NELFA: variants seen among roughly 807,000 people sequenced by gnomAD.
NELFA encodes negative elongation factor A.
A neutral mutation model predicts 51.8 loss-of-function variants in NELFA; 35 were observed. That is an observed-to-expected ratio of 0.68 (90% confidence interval 0.52 to 0.90). The LOEUF (loss-of-function observed/expected upper bound fraction) is 0.90. Among genes scored for constraint, NELFA ranks in the 40% least tolerant of loss-of-function variants. The pLI is 0.00. For synonymous variants in NELFA, 417 were observed against 338.4 expected, an observed-to-expected ratio of 1.23 and a Z score of -2.55; for missense variants, 658 against 746.4, an observed-to-expected ratio of 0.88 and a Z score of 1.38.
intron 4 of NELFA, among the ~76,000 whole-genome samples, chr4:1,987,016 C>T (rs1181731166): frequency 3.3e-5 from 5 of 152,144 alleles, no homozygotes; most frequent in African/African-American, 9.7e-5. Flanking sequence ...CAAGGGTCTG[C>T]TCCAGGCGGG....
chr4:1,993,389 G>A (rs1471768523), intron 1 of NELFA, among the ~76,000 whole-genome samples: 1 of 152,098 alleles, frequency 6.6e-6, no homozygotes, highest in Admixed American at 6.6e-5. Context: ...GGACCAGACT[G>A]ACCCACATGG....
chr4:1,992,256 C>T (rs1728293887), intron 1 of NELFA: 1 of 238,482 alleles, frequency 4.2e-6, no homozygotes, highest in South Asian at 3.9e-5. Flanking sequence ...TAGGCAGGGA[C>T]GGCTGCCTCT....
rs1194916883 is a variant in NELFA, at chr4:1,986,136, C to T, written c.813G>A (p.Ala271=). The T allele has an allele frequency of 7.1e-6, 11 of 1,553,466 alleles. No homozygotes were observed. The highest frequency in any genetic ancestry group is 1.4e-5 in the African/African-American group (1 of 73,150). ...CACCGAGAGTCTTCCTTCTCCGCTTCGCCTCTCGGCCAGCGCCAACCATAT... is the reference window on the plus strand; with the variant it reads ...CACCGAGAGTCTTCCTTCTCCGCTTTGCCTCTCGGCCAGCGCCAACCATAT... ...ELDMVGAGRE[A]KRRRKTLDAE... is the part of the protein sequence containing the mutation. The change falls in exon 6 of 11, where the codon GCG becomes GCA. Residue 271 remains alanine (A), a synonymous_variant. Transcript: ENST00000382882.
At chr4:2,001,592 C>G (rs1002728238) in intron 1 of NELFA, among the ~76,000 whole-genome samples, 5 of 152,218 alleles carry the variant, frequency 3.3e-5, no homozygotes, top group African/African-American at 1.2e-4. Context: ...AAGAGAACTA[C>G]AAACCACTGT....
At chr4:1,985,952 A>T in intron 6 of NELFA, 88 bp from the exon 7 acceptor site, 1 of 1,357,508 alleles carries the variant, frequency 7.4e-7, no homozygotes, top group Non-Finnish European at 1.0e-6. Context: ...ACAGCTTCCC[A>T]GGGGAGGCCA....
intron 4 of NELFA, 28 bp downstream of exon 4, chr4:1,987,890 G>A (rs753421088): frequency 1.9e-6 from 3 of 1,573,194 alleles, no homozygotes; most frequent in Non-Finnish European, 2.6e-6. Flanking sequence ...CAAAAGCAAG[G>A]CTCACGGCAC....
At chr4:1,998,085 C>T (rs527341804) in intron 1 of NELFA, among the ~76,000 whole-genome samples, 13 of 144,472 alleles carry the variant, frequency 9.0e-5, no homozygotes, top group Middle Eastern at 3.6e-3. Context: ...GAGCAGAAAA[C>T]GACAACAGCA....
At chr4:1,985,917 G>A in intron 6 of NELFA, 53 bp from the exon 7 acceptor site, 2 of 1,482,344 alleles carry the variant, frequency 1.3e-6, no homozygotes, top group Non-Finnish European at 1.8e-6. Flanking sequence ...TGCAGTGTCA[G>A]CTCAGGGCAG....
At chr4:1,991,068 G>A (rs1412818424) in intron 2 of NELFA, among the ~76,000 whole-genome samples, 2 of 152,224 alleles carry the variant, frequency 1.3e-5, no homozygotes, top group Non-Finnish European at 2.9e-5. Context: ...CAAAGTGCTG[G>A]GGTTACAGGA....
intron 2 of NELFA, among the ~76,000 whole-genome samples, chr4:1,991,143 T>G (rs900874154): frequency 1.3e-5 from 2 of 152,212 alleles, no homozygotes; most frequent in African/African-American, 4.8e-5. Context: ...TTTAAACAAC[T>G]AAATCGTTGA....
chr4:2,006,939 T>C (rs575204693), intron 1 of NELFA: 2 of 154,818 alleles, frequency 1.3e-5, no homozygotes, highest in African/African-American at 2.4e-5. Flanking sequence ...AAAGCAGATT[T>C]GAATATACAA....
intron 1 of NELFA, chr4:1,992,254 G>C (rs915803521): frequency 2.9e-5 from 7 of 240,622 alleles, no homozygotes; most frequent in Non-Finnish European, 5.0e-5. Context: ...TCTAGGCAGG[G>C]ACGGCTGCCT....
Position 1,983,975 on chromosome 4 carries a change from G to A in NELFA, c.1175C>T (p.Thr392Ile). Residue 392 changes from threonine to isoleucine, a missense_variant, in exon 9 of 11, where the codon ACC (threonine) becomes ATC (isoleucine). By Grantham distance (89) the Thr-to-Ile change is moderately conservative. Coordinates refer to ENST00000382882, the MANE Select transcript of NELFA (RefSeq NM_005663.5). ...AGGTGTGGTGGGTGTCAGAGGCGAG[G>A]TGGGCGCCGCAGGCGTGGGTGTGGC... is the stretch of plus-strand genomic sequence containing the variant. ...SPATPTPAAP[T>I]SPLTPTTPPA... 2.5e-6 allele frequency: 4 copies of A among 1,610,764 alleles called. No homozygotes were observed. The highest frequency in any genetic ancestry group is 3.4e-6 in the Non-Finnish European group (4 of 1,179,664).
chr4:1,992,856 G>A (rs1255709946), intron 1 of NELFA, among the ~76,000 whole-genome samples: 1 of 152,200 alleles, frequency 6.6e-6, no homozygotes, highest in Non-Finnish European at 1.5e-5. Context: ...TGCCCTGCAG[G>A]ACACCCAGCT....
At chr4:1,986,003 G>A (rs1577612495) in intron 6 of NELFA, 111 bp downstream of exon 6, 1 of 1,379,292 alleles carries the variant, frequency 7.3e-7, no homozygotes, top group Non-Finnish European at 9.9e-7. Context: ...CCCACGGAGA[G>A]CAGCCTCACG....
Position 1,982,865 on chromosome 4 carries a change from C to T in NELFA, c.*454G>A, listed in dbSNP as rs80179600. The T allele has an allele frequency of 4.2e-3, 655 of 155,760 alleles. 8 individuals carry two copies. Among genetic ancestry groups the T allele is most frequent in the African/African-American group, 0.015 (627 of 41,634 alleles). The allele number at this position is 155,760 out of a possible 1,614,324, so 9.6% of individuals were successfully genotyped here. ...GGCACAGGCAGGGGACAAGGCCCAC[C>T]GTCTCCCACGCTCTGGTGTGGTCGG... On this transcript the variant is annotated 3_prime_UTR_variant, in exon 11 of 11. Transcript: ENST00000382882.
chr4:1,995,452 G>A (rs1241720815), intron 1 of NELFA, among the ~76,000 whole-genome samples: 1 of 151,960 alleles, frequency 6.6e-6, no homozygotes, highest in African/African-American at 2.4e-5. Context: ...AATAAATGAA[G>A]GAAGAAAACT....
Position 1,986,336 on chromosome 4 carries a change from G to T in NELFA, c.701C>A (p.Pro234His). 6.2e-7 allele frequency: 1 copy of T among 1,602,656 alleles called. No individual in the cohort carries two copies. The highest frequency in any genetic ancestry group is 8.5e-7 in the Non-Finnish European group (1 of 1,174,958). Residue 234 changes from proline (P) to histidine (H), a missense_variant, in exon 5 of 11, where the codon CCC becomes CAC. This residue lies in a region of NELFA where 371 missense variants were observed against 448.3 expected (regional missense o/e 0.83). Coordinates refer to ENST00000382882, the MANE Select transcript of NELFA (RefSeq NM_005663.5). Reference protein sequence around the residue: ...RSPTAPSVFSPTGNRTPIPPS... With the variant: ...RSPTAPSVFSHTGNRTPIPPS... ...CGGGATGGGGGTCCGGTTCCCTGTG[G>T]GGCTGAAGACGCTGGGCGCCGTGGG...
rs1030038752 is a variant in NELFA, at chr4:1,989,796, G to A, written c.456C>T (p.Leu152=). 5.0e-6 allele frequency: 8 copies of A among 1,614,080 alleles called. No homozygotes were observed. The African/African-American group carries it at 6.7e-5, about 13-fold the overall frequency. The part of the protein sequence containing the change: ...QYLNKNALTT[L]AGPLTPPVKH... ...TCACCGGGGGAGTGAGGGGTCCCGCGAGGGTCGTCAGGGCGTTTTTGTTCA... is the reference window on the plus strand; with the variant it reads ...TCACCGGGGGAGTGAGGGGTCCCGCAAGGGTCGTCAGGGCGTTTTTGTTCA... Residue 152 remains leucine, a synonymous_variant, in exon 3 of 11, where the codon CTC becomes CTT. Transcript: ENST00000382882. This position sits in a 1 kb window ranked among gnomAD's most constrained non-coding sequence, Gnocchi z 4.8.
Sources: gnomAD v4.1 joint callset for allele counts (sites outside exome capture counted in the v4.1 genomes callset) on GRCh38, gnomAD v4.1.1 for gene constraint, gnomAD v4.1.1 regional missense constraint, Gnocchi (gnomAD v3.1) non-coding constraint, MANE v1.5 for transcripts, NCBI Gene and HGNC (gene_info 2026-07-23, HGNC 2026-07-21) for gene names.